Variants in CNBD1 observed in about 807,000 individuals in gnomAD.
CNBD1 encodes cyclic nucleotide binding domain containing 1.
Under a neutral mutation model 54.4 loss-of-function variants are expected in CNBD1, and 71 were observed. The observed-to-expected ratio is 1.30, with a 90% CI of 1.08 to 1.59. CNBD1 has a LOEUF of 1.59. CNBD1 is among the 40% of genes most tolerant of loss of function. The pLI, the probability that CNBD1 is intolerant of heterozygous loss-of-function variation, is 0.00. For missense variants in CNBD1, 659 were observed against 518.0 expected, an observed-to-expected ratio of 1.27 and a Z score of -2.64; for synonymous variants, 182 against 170.7, an observed-to-expected ratio of 1.07 and a Z score of -0.51.
chr8:87,124,694 C>G (rs1323813447), intron 4 of CNBD1, among the ~76,000 whole-genome samples: 1 of 151,748 alleles, frequency 6.6e-6, no homozygotes, highest in South Asian at 2.1e-4. Context: ...TAGGTAGCAT[C>G]ATTCTCAATG....
chr8:86,991,838 A>T lies in CNBD1; in HGVS notation c.431+52084A>T, dbSNP rs957241523. 2.0e-5 allele frequency among the ~76,000 whole-genome samples: 3 copies of T among 152,072 alleles called. No homozygotes were observed. The South Asian group carries it at 6.2e-4, about 31-fold the overall frequency. Reference sequence around the variant, plus strand: ...TGTGTAGTTTTGAGAGATCTTCTTGATATTGATTCTATTTTTATTGCACTG... The same window carrying T: ...TGTGTAGTTTTGAGAGATCTTCTTGTTATTGATTCTATTTTTATTGCACTG... On this transcript the variant is annotated intron_variant, in intron 4 of 10. Coordinates refer to ENST00000518476, the MANE Select transcript of CNBD1 (RefSeq NM_173538.3).
chr8:87,309,503 A>C (rs1809221343), intron 8 of CNBD1, among the ~76,000 whole-genome samples: 1 of 152,152 alleles, frequency 6.6e-6, no homozygotes. Flanking sequence ...AACTGCCTTC[A>C]TATGATTTCG....
At chr8:86,924,182 G>T (rs1809321042) in intron 3 of CNBD1, among the ~76,000 whole-genome samples, 1 of 152,124 alleles carries the variant, frequency 6.6e-6, no homozygotes, top group Admixed American at 6.6e-5. Context: ...TGAGAAGTTT[G>T]CAATGAAAGG....
chr8:87,421,711 T>C (rs1460133369), intron 2 of CNBD1, among the ~76,000 whole-genome samples: 1 of 150,682 alleles, frequency 6.6e-6, no homozygotes, highest in Non-Finnish European at 1.5e-5. Flanking sequence ...TCTTTGCTAT[T>C]GTGAATAATG....
At chr8:86,926,359 G>A (rs1021397169) in intron 3 of CNBD1, among the ~76,000 whole-genome samples, 5 of 152,146 alleles carry the variant, frequency 3.3e-5, no homozygotes, top group Non-Finnish European at 7.3e-5. Flanking sequence ...GTCGGTCCAG[G>A]TGTCCTCAGT....
At chr8:87,059,907 T>G (rs1482489978) in intron 4 of CNBD1, among the ~76,000 whole-genome samples, 1 of 152,184 alleles carries the variant, frequency 6.6e-6, no homozygotes, top group Non-Finnish European at 1.5e-5. Flanking sequence ...CTGATCTCTG[T>G]GGCCTCATTA....
At position 86,874,989 on chromosome 8, in the gene CNBD1, TATATA is replaced by T. The variant is rs1563806939; in HGVS notation, c.88+8407_88+8411del. ...TTATATTTGTTTGTAAATCAATTTA[TATATA>T]TATATATATATATATATATATATAT... is the stretch of plus-strand genomic sequence containing the variant. On this transcript the variant is annotated intron_variant, in intron 1 of 10. Transcript: ENST00000518476. 1.3e-3 allele frequency among the ~76,000 whole-genome samples: 21 copies of T among 15,720 alleles called. No individual in the cohort carries two copies. In the East Asian group the frequency reaches 0.021, roughly 16 times the overall value. The allele number at this position is 15,720 out of a possible 152,430, so 10.3% of individuals were successfully genotyped here. A position where few individuals can be genotyped will look rare whatever the true frequency, so the allele number is the denominator to read the frequency against.
chr8:86,966,969 G>T (rs1808093580), intron 4 of CNBD1, among the ~76,000 whole-genome samples: 2 of 152,090 alleles, frequency 1.3e-5, no homozygotes, highest in Admixed American at 1.3e-4. Context: ...GTGCTGATTG[G>T]TCCGTTTTAC....
intron 5 of CNBD1, among the ~76,000 whole-genome samples, chr8:87,219,061 A>T (rs1251513100): frequency 2.6e-5 from 4 of 152,018 alleles, no homozygotes; most frequent in Non-Finnish European, 5.9e-5. Context: ...TTTTTAATGT[A>T]AACAAAATAT....
At chr8:87,411,955 G>A (rs1366458658) in intron 2 of CNBD1, among the ~76,000 whole-genome samples, 11 of 151,814 alleles carry the variant, frequency 7.2e-5, no homozygotes, top group Non-Finnish European at 1.2e-4. Context: ...GTTTGACATA[G>A]CTTTTTTTGT....
intron 4 of CNBD1, among the ~76,000 whole-genome samples, chr8:87,091,836 A>G (rs952466621): frequency 1.3e-5 from 2 of 152,000 alleles, no homozygotes; most frequent in Non-Finnish European, 2.9e-5. Context: ...ATGTAAAAGC[A>G]CACACACACA....
intron 4 of CNBD1, among the ~76,000 whole-genome samples, chr8:87,139,909 A>AC (rs976988909): frequency 1.4e-4 from 22 of 152,252 alleles, no homozygotes; most frequent in African/African-American, 4.6e-4. Flanking sequence ...GATGCTATCT[A>AC]CCTTTATTTG....
intron 10 of CNBD1, among the ~76,000 whole-genome samples, chr8:87,359,768 G>T (rs999964905): frequency 6.6e-6 from 1 of 152,008 alleles, no homozygotes; most frequent in East Asian, 1.9e-4. Flanking sequence ...GGAAAACTCA[G>T]CGTGAGCAAA....
chr8:87,273,567 C>T (rs555625488), intron 6 of CNBD1, among the ~76,000 whole-genome samples: 3 of 152,084 alleles, frequency 2.0e-5, no homozygotes, highest in South Asian at 4.1e-4. Context: ...TAGGATGCAG[C>T]CTGAGCTGTT....
intron 4 of CNBD1, among the ~76,000 whole-genome samples, chr8:87,006,323 C>G (rs1328393859): frequency 6.6e-6 from 1 of 152,164 alleles, no homozygotes; most frequent in Non-Finnish European, 1.5e-5. Context: ...GAAGGCATCA[C>G]TTGCCCCAAT....
At chr8:87,019,790 A>G (rs1316421070) in intron 4 of CNBD1, among the ~76,000 whole-genome samples, 1 of 152,150 alleles carries the variant, frequency 6.6e-6, no homozygotes, top group Non-Finnish European at 1.5e-5. Context: ...AGGCAGGAGA[A>G]TCGCTTGAAC....
intron 4 of CNBD1, among the ~76,000 whole-genome samples, chr8:87,128,459 G>A (rs544533604): frequency 1.3e-5 from 2 of 152,260 alleles, no homozygotes; most frequent in South Asian, 4.1e-4. Context: ...CCACACCCCT[G>A]TTGCAAGTTC....
chr8:86,887,167 A>G (rs1356151658), intron 1 of CNBD1, among the ~76,000 whole-genome samples: 2 of 152,178 alleles, frequency 1.3e-5, no homozygotes, highest in African/African-American at 4.8e-5. Context: ...AGACCAAATT[A>G]AGAAAACTCT....
intron 3 of CNBD1, among the ~76,000 whole-genome samples, chr8:86,933,924 T>C (rs1365975657): frequency 6.6e-6 from 1 of 152,140 alleles, no homozygotes; most frequent in African/African-American, 2.4e-5. Context: ...TAAAAATTAA[T>C]CCATAAATAA....
Sources: gnomAD v4.1 joint callset for allele counts (sites outside exome capture counted in the v4.1 genomes callset) on GRCh38, gnomAD v4.1.1 for gene constraint, MANE v1.5 for transcripts, NCBI Gene and HGNC (gene_info 2026-07-23, HGNC 2026-07-21) for gene names.